The following STK32B variants were observed in gnomAD, a reference collection of about 807,000 sequenced individuals.
The protein encoded by STK32B is serine/threonine kinase 32B.
In STK32B, 43 loss-of-function variants were observed where a neutral mutation model predicts 52.6. The observed-to-expected ratio is 0.82, with a 90% confidence interval of 0.64 to 1.05. The LOEUF (loss-of-function observed/expected upper bound fraction) is 1.05, where lower values mean the gene tolerates loss of function less well. Ranked by LOEUF, STK32B falls within the 50% of genes least tolerant of loss-of-function variation. The pLI is 0.00. For synonymous variants in STK32B, 238 were observed against 204.3 expected (o/e 1.17, Z -1.41); for missense variants, 621 against 534.6 (o/e 1.16, Z -1.59).
In STK32B at chr4:5,230,178, C is replaced by CTTTTTTTTTTTTTTTTT. The variant is rs752036100; in HGVS notation, c.260+61743_260+61759dup. 3.4e-4 allele frequency among the ~76,000 whole-genome samples: 24 copies of CTTTTTTTTTTTTTTTTT among 71,124 alleles called. 2 individuals carry two copies. Among genetic ancestry groups the CTTTTTTTTTTTTTTTTT allele is most frequent in the African/African-American group, 5.4e-4 (7 of 12,902 alleles). 46.7% of individuals were successfully genotyped at this position (71,124 alleles called of 152,430 possible). A position where few individuals can be genotyped will look rare whatever the true frequency, so the allele number is the denominator to read the frequency against. ...AGAAGAACACTCAAGCATGCATTCCCTTTTTTTTTTTTTTTTTTTTTTTTT... is the reference window on the plus strand; with the variant it reads ...AGAAGAACACTCAAGCATGCATTCCCTTTTTTTTTTTTTTTTTTTTTTTTTTTTTTTTTTTTTTTTTT... On this transcript the variant is annotated intron_variant, in intron 3 of 11. Transcript: ENST00000282908.
Position 5,419,556 on chromosome 4 carries a change from T to C in STK32B, c.562+2622T>C, listed in dbSNP as rs116508538. On this transcript the variant is annotated intron_variant, in intron 6 of 11. Coordinates refer to ENST00000282908, the MANE Select transcript of STK32B (RefSeq NM_018401.3). ...GCTGTTCTCAAAGTCGTTGTCTGTG[T>C]TTCCCAGTGAATACCTGCTGAGTAT... Among the ~76,000 whole-genome samples the C allele has an allele frequency of 2.3e-3, 352 of 152,358 alleles. 4 individuals carry two copies. The highest frequency in any genetic ancestry group is 8.1e-3 in the African/African-American group (337 of 41,586).
At chr4:5,449,297 C>G (rs752578016) in intron 7 of STK32B, among the ~76,000 whole-genome samples, 5 of 152,118 alleles carry the variant, frequency 3.3e-5, no homozygotes, top group African/African-American at 9.7e-5. Flanking sequence ...GAGCCAAGAT[C>G]GTGCCACTGC....
At chr4:5,426,696 A>AAAAAC (rs1316680619) in intron 6 of STK32B, among the ~76,000 whole-genome samples, 6 of 140,600 alleles carry the variant, frequency 4.3e-5, no homozygotes, top group Non-Finnish European at 9.4e-5. Flanking sequence ...TCTAAACAAA[A>AAAAAC]AAAAAAAAAA....
chr4:5,495,004 T>G (rs1020450533), intron 11 of STK32B, among the ~76,000 whole-genome samples: 5 of 152,192 alleles, frequency 3.3e-5, no homozygotes, highest in African/African-American at 1.2e-4. Context: ...TGGCTGCCCT[T>G]AACATTTTTT....
At chr4:5,326,944 A>G (rs1316970167) in intron 3 of STK32B, among the ~76,000 whole-genome samples, 1 of 152,184 alleles carries the variant, frequency 6.6e-6, no homozygotes, top group African/African-American at 2.4e-5. Context: ...CAAATCCTAC[A>G]GCCGCTTTAT....
intron 3 of STK32B, among the ~76,000 whole-genome samples, chr4:5,177,955 C>T (rs899961994): frequency 7.9e-5 from 12 of 152,188 alleles, no homozygotes; most frequent in African/African-American, 2.9e-4. Flanking sequence ...GTGACTTTTC[C>T]AGGTGCATGG....
At chr4:5,333,695 G>A (rs1433694217) in intron 4 of STK32B, among the ~76,000 whole-genome samples, 4 of 152,100 alleles carry the variant, frequency 2.6e-5, no homozygotes, top group Non-Finnish European at 4.4e-5. Flanking sequence ...TTCTCCATAT[G>A]GCTAGCCAGT....
chr4:5,359,492 A>G (rs1246293757), intron 4 of STK32B, among the ~76,000 whole-genome samples: 1 of 151,946 alleles, frequency 6.6e-6, no homozygotes, highest in East Asian at 1.9e-4. Flanking sequence ...ACTAATGATC[A>G]AGTTTCTGCC....
chr4:5,183,208 T>G (rs1290796777), intron 3 of STK32B, among the ~76,000 whole-genome samples: 2 of 152,158 alleles, frequency 1.3e-5, no homozygotes, highest in Non-Finnish European at 2.9e-5. Flanking sequence ...CCGGGCATGG[T>G]GGCTCACGCC....
chr4:5,094,941 C>G (rs997512958), intron 1 of STK32B, among the ~76,000 whole-genome samples: 2 of 152,222 alleles, frequency 1.3e-5, no homozygotes, highest in African/African-American at 4.8e-5. Context: ...CATTACTGCA[C>G]ACTACTAGCT....
chr4:5,244,503 T>G (rs956560981), intron 3 of STK32B, among the ~76,000 whole-genome samples: 1 of 150,386 alleles, frequency 6.6e-6, no homozygotes, highest in Non-Finnish European at 1.5e-5. Flanking sequence ...GTCTATCAAT[T>G]TTGTTGATCT....
At chr4:5,305,829 G>T (rs1729893475) in intron 3 of STK32B, among the ~76,000 whole-genome samples, 2 of 152,034 alleles carry the variant, frequency 1.3e-5, no homozygotes, top group African/African-American at 4.8e-5. Context: ...ACTTTTTGAT[G>T]TAGGCATTTA....
chr4:5,491,509 T>G (rs951653729), intron 11 of STK32B, among the ~76,000 whole-genome samples: 18 of 151,928 alleles, frequency 1.2e-4, no homozygotes, highest in East Asian at 5.8e-4. Flanking sequence ...TTGTGAAAAT[T>G]TTCTCCCATT....
intron 6 of STK32B, among the ~76,000 whole-genome samples, chr4:5,440,383 A>C (rs1264000808): frequency 6.6e-6 from 1 of 152,088 alleles, no homozygotes; most frequent in East Asian, 1.9e-4. Context: ...ATGGGAGTTC[A>C]CTCATGATTT....
At chr4:5,242,839 T>A (rs542147738) in intron 3 of STK32B, among the ~76,000 whole-genome samples, 73 of 152,354 alleles carry the variant, frequency 4.8e-4, no homozygotes, top group African/African-American at 1.7e-3. Context: ...TAGAGAATCC[T>A]TTCCCCATTG....
At chr4:5,100,176 C>T (rs374344165) in intron 1 of STK32B, among the ~76,000 whole-genome samples, 233 of 152,286 alleles carry the variant, frequency 1.5e-3, no homozygotes, top group Middle Eastern at 6.8e-3. Flanking sequence ...GCAGATTCCA[C>T]GGCCACCGTG....
chr4:5,462,554 T>C (rs1228336869), intron 9 of STK32B, among the ~76,000 whole-genome samples: 1 of 152,148 alleles, frequency 6.6e-6, no homozygotes, highest in Non-Finnish European at 1.5e-5. Context: ...GACCTTACTG[T>C]CACCATCTGT....
At chr4:5,161,617 A>G (rs1195728729) in intron 2 of STK32B, among the ~76,000 whole-genome samples, 1 of 152,214 alleles carries the variant, frequency 6.6e-6, no homozygotes, top group African/African-American at 2.4e-5. Flanking sequence ...CCTTGGCTAG[A>G]ACTGTGGCTG....
intron 11 of STK32B, among the ~76,000 whole-genome samples, chr4:5,485,939 C>T (rs1033479609): frequency 3.3e-5 from 5 of 152,186 alleles, no homozygotes; most frequent in Non-Finnish European, 5.9e-5. Flanking sequence ...CCTGATCATT[C>T]CTCTGGAAGT....
Sources: allele counts gnomAD v4.1 joint callset (sites outside exome capture counted in the v4.1 genomes callset), GRCh38; gene constraint gnomAD v4.1.1; transcripts MANE v1.5; gene names NCBI Gene and HGNC (gene_info 2026-07-23, HGNC 2026-07-21).